The following CECR2 variants were observed in gnomAD, a reference collection of about 807,000 sequenced individuals.
The protein encoded by CECR2 is CECR2 histone acetyl-lysine reader, also known as chromatin remodeling regulator CECR2.
A neutral mutation model predicts 154.5 loss-of-function variants in CECR2; 30 were observed. The observed-to-expected ratio is 0.19, with a 90% CI of 0.15 to 0.26. The LOEUF (loss-of-function observed/expected upper bound fraction) is 0.26, where lower values mean the gene tolerates loss of function less well. Among genes scored for constraint, CECR2 ranks in the 10% least tolerant of loss-of-function variants. CECR2 has a pLI of 1.00. For synonymous variants in CECR2, 725 were observed against 683.7 expected (o/e 1.06, Z -0.94); for missense variants, 1,743 against 1,829.3 (o/e 0.95, Z 0.86).
At chr22:17,407,741 G>A (rs752502411) in intron 1 of CECR2, among the ~76,000 whole-genome samples, 2 of 152,132 alleles carry the variant, frequency 1.3e-5, no homozygotes, top group Non-Finnish European at 2.9e-5. Flanking sequence ...GGACTTTGGC[G>A]GTGTCTGGAG....
intron 1 of CECR2, among the ~76,000 whole-genome samples, chr22:17,475,563 G>A (rs927328886): frequency 1.2e-4 from 19 of 152,104 alleles, no homozygotes; most frequent in African/African-American, 4.3e-4. Flanking sequence ...AAGTGTCTGG[G>A]ACTGTAGGCA....
At chr22:17,405,588 C>A (rs4819451) in intron 1 of CECR2, among the ~76,000 whole-genome samples, 78,726 of 143,592 alleles carry the variant, frequency 0.55, 22,507 homozygotes, top group Non-Finnish European at 0.65. Context: ...TGCAGTGAGC[C>A]GAGATCGTGC....
intron 1 of CECR2, among the ~76,000 whole-genome samples, chr22:17,398,890 G>A (rs565400511): frequency 6.6e-6 from 1 of 152,284 alleles, no homozygotes; most frequent in Admixed American, 6.5e-5. Context: ...GTATAGACTT[G>A]GGAGTCATAA....
At chr22:17,532,610 G>C (rs1601526388) in intron 9 of CECR2, among the ~76,000 whole-genome samples, 1 of 148,544 alleles carries the variant, frequency 6.7e-6, no homozygotes, top group East Asian at 2.0e-4. Flanking sequence ...ATACATATTT[G>C]AGGTGGTGTA....
At chr22:17,429,899 A>G (rs1459719786) in intron 1 of CECR2, among the ~76,000 whole-genome samples, 1 of 152,230 alleles carries the variant, frequency 6.6e-6, no homozygotes, top group African/African-American at 2.4e-5. Flanking sequence ...CCATTAGTGC[A>G]GTCTCTAGGG....
At chr22:17,389,869 C>G (rs2063308003) in intron 1 of CECR2, among the ~76,000 whole-genome samples, 1 of 152,184 alleles carries the variant, frequency 6.6e-6, no homozygotes, top group Admixed American at 6.5e-5. Flanking sequence ...CTCAGATGAT[C>G]CGCCCACCTC....
chr22:17,383,172 C>T (rs1446213729), intron 1 of CECR2, among the ~76,000 whole-genome samples: 2 of 152,086 alleles, frequency 1.3e-5, no homozygotes, highest in Non-Finnish European at 2.9e-5. Flanking sequence ...TTGCAGTGAG[C>T]CAAGATCATG....
chr22:17,546,254 G>A (rs1054148496), intron 16 of CECR2, among the ~76,000 whole-genome samples: 3 of 152,012 alleles, frequency 2.0e-5, no homozygotes, highest in East Asian at 1.9e-4. Flanking sequence ...TTGGGAGGCC[G>A]AGGCGGGTGG....
chr22:17,501,841 AT>A, intron 5 of CECR2, among the ~76,000 whole-genome samples: 1 of 152,312 alleles, frequency 6.6e-6, no homozygotes, highest in Non-Finnish European at 1.5e-5. Flanking sequence ...CTGTAGAATC[AT>A]TTTAACAAGC....
At chr22:17,514,940 G>A (rs5747212) in intron 8 of CECR2, among the ~76,000 whole-genome samples, 21,289 of 151,196 alleles carry the variant, frequency 0.14, 1,944 homozygotes, top group East Asian at 0.47. Context: ...GGAGAATGGC[G>A]TGAACCCGGG....
At chr22:17,480,603 T>A (rs2055292946) in intron 2 of CECR2, among the ~76,000 whole-genome samples, 1 of 152,210 alleles carries the variant, frequency 6.6e-6, no homozygotes, top group Non-Finnish European at 1.5e-5. Context: ...AAAATGATGG[T>A]TCCACATGCG....
At chr22:17,372,393 C>T (rs1385736178) in intron 1 of CECR2, among the ~76,000 whole-genome samples, 1 of 152,132 alleles carries the variant, frequency 6.6e-6, no homozygotes, top group Non-Finnish European at 1.5e-5. Flanking sequence ...TTTCTCGACT[C>T]GGTGGCTCAC....
chr22:17,462,822 G>T (rs578058708), intron 1 of CECR2, among the ~76,000 whole-genome samples: 11 of 152,214 alleles, frequency 7.2e-5, no homozygotes, highest in African/African-American at 2.7e-4. Context: ...CCGAGGCAGA[G>T]AATTGCTTGA....
chr22:17,518,591 C>T (rs756401404), intron 8 of CECR2: 10 of 349,888 alleles, frequency 2.9e-5, no homozygotes, highest in Non-Finnish European at 5.7e-5. Context: ...GCAGCTGTCA[C>T]GTCTATCTTT....
chr22:17,426,685 C>T (rs1483422056), intron 1 of CECR2, among the ~76,000 whole-genome samples: 1 of 152,150 alleles, frequency 6.6e-6, no homozygotes, highest in Non-Finnish European at 1.5e-5. Context: ...ATAGCTTTCC[C>T]CTTTTTCTTG....
chr22:17,391,605 A>C (rs1356444508), intron 1 of CECR2, among the ~76,000 whole-genome samples: 11 of 152,232 alleles, frequency 7.2e-5, no homozygotes, highest in Admixed American at 2.0e-4. Context: ...AGCAACTGGT[A>C]ATTATTGTTA....
chr22:17,446,991 A>G (rs114064814), intron 1 of CECR2, among the ~76,000 whole-genome samples: 1,742 of 142,280 alleles, frequency 0.012, 34 homozygotes, highest in African/African-American at 0.044. Flanking sequence ...CACAGTGCCG[A>G]TTGGTGCATT....
At chr22:17,475,677 CAAAT>C (rs1478898803) in intron 1 of CECR2, among the ~76,000 whole-genome samples, 3 of 152,148 alleles carry the variant, frequency 2.0e-5, no homozygotes, top group African/African-American at 7.2e-5. Flanking sequence ...ACTTACCTAT[CAAAT>C]GAGATTGGCC....
At chr22:17,491,148 G>A (rs1248912888) in intron 2 of CECR2, among the ~76,000 whole-genome samples, 1 of 152,072 alleles carries the variant, frequency 6.6e-6, no homozygotes, top group Non-Finnish European at 1.5e-5. Context: ...TTAGCTTTTG[G>A]CTGTTAGGAA....
Sources: allele counts gnomAD v4.1 joint callset (sites outside exome capture counted in the v4.1 genomes callset), GRCh38; gene constraint gnomAD v4.1.1; transcripts MANE v1.5; gene names NCBI Gene and HGNC (gene_info 2026-07-23, HGNC 2026-07-21).